Variants in ZNF804B observed in about 807,000 individuals in gnomAD.
ZNF804B encodes zinc finger 804B.
ZNF804B carries 80 observed loss-of-function variants against 101.4 expected under a neutral mutation model. That is an observed-to-expected ratio of 0.79 (90% CI 0.66 to 0.95). The LOEUF (loss-of-function observed/expected upper bound fraction) is 0.95, where lower values mean the gene tolerates loss of function less well. Ranked by LOEUF, ZNF804B falls within the 40% of genes least tolerant of loss-of-function variation. The probability of loss-of-function intolerance (pLI) is 0.00; values close to 1 mark genes in which losing one functional copy is unlikely to be tolerated. For missense variants in ZNF804B, 1,673 were observed against 1,561.9 expected, an observed-to-expected ratio of 1.07 and a Z score of -1.20; for synonymous variants, 622 against 558.8, an observed-to-expected ratio of 1.11 and a Z score of -1.59.
intron 2 of ZNF804B, among the ~76,000 whole-genome samples, chr7:89,275,401 G>T (rs1192066649): frequency 6.6e-6 from 1 of 151,846 alleles, no homozygotes; most frequent in Non-Finnish European, 1.5e-5. Flanking sequence ...TTATGATTGG[G>T]TCAAAACCCT....
chr7:89,188,153 G>A lies in ZNF804B; in HGVS notation c.109-30002G>A, dbSNP rs182169882. On this transcript the variant is annotated intron_variant, in intron 1 of 3. Coordinates refer to ENST00000333190, the MANE Select transcript of ZNF804B (RefSeq NM_181646.5). ...ATGTGCCATTCTCCCGACAGCCTGT[G>A]CTCACTTCTTGTCTCTGTGTTACAC... Among the ~76,000 whole-genome samples the A allele has an allele frequency of 5.9e-4, 89 of 151,898 alleles. 2 individuals are homozygous for A. The Middle Eastern group carries it at 0.027, about 46-fold the overall frequency.
intron 1 of ZNF804B, among the ~76,000 whole-genome samples, chr7:89,214,501 A>G (rs1399806331): frequency 6.6e-6 from 1 of 152,160 alleles, no homozygotes; most frequent in Non-Finnish European, 1.5e-5. Context: ...ATATTTAAAG[A>G]TTGTGTAATT....
intron 1 of ZNF804B, among the ~76,000 whole-genome samples, chr7:88,982,848 A>G (rs1793710881): frequency 1.3e-5 from 2 of 152,038 alleles, no homozygotes; most frequent in Admixed American, 1.3e-4. Flanking sequence ...CATCACTCTT[A>G]CTACCTAGAT....
At chr7:88,876,137 C>G (rs1215407265) in intron 1 of ZNF804B, among the ~76,000 whole-genome samples, 1 of 152,132 alleles carries the variant, frequency 6.6e-6, no homozygotes, top group Non-Finnish European at 1.5e-5. Context: ...ATCATGTCCC[C>G]TCTTTACTTT....
chr7:88,856,200 A>C (rs888060852), intron 1 of ZNF804B, among the ~76,000 whole-genome samples: 12 of 152,134 alleles, frequency 7.9e-5, no homozygotes, highest in African/African-American at 2.9e-4. Flanking sequence ...CTTGGGCAGC[A>C]TGGCCATTTT....
At chr7:88,776,573 T>G (rs865898485) in intron 1 of ZNF804B, among the ~76,000 whole-genome samples, 2 of 149,878 alleles carry the variant, frequency 1.3e-5, no homozygotes, top group East Asian at 1.9e-4. Context: ...TTTTTTTTTT[T>G]TTTTTTTTCA....
At chr7:89,153,092 A>G (rs556474740) in intron 1 of ZNF804B, among the ~76,000 whole-genome samples, 8 of 144,930 alleles carry the variant, frequency 5.5e-5, no homozygotes, top group African/African-American at 2.0e-4. Flanking sequence ...CATGAAAATA[A>G]TGTGTGAACT....
chr7:88,808,956 A>G (rs143718676), intron 1 of ZNF804B, among the ~76,000 whole-genome samples: 121 of 152,320 alleles, frequency 7.9e-4, no homozygotes, highest in South Asian at 4.6e-3. Context: ...TAGATCTTCA[A>G]TTGGCTAAGA....
At chr7:89,092,201 G>A (rs954832189) in intron 1 of ZNF804B, among the ~76,000 whole-genome samples, 2 of 151,644 alleles carry the variant, frequency 1.3e-5, no homozygotes, top group African/African-American at 4.8e-5. Context: ...AGGATTTCTC[G>A]GGGGTCTCTC....
rs57346330 is a variant in ZNF804B at position 89,131,974 on chromosome 7, A to G, written c.109-86181A>G. 5.8e-3 allele frequency among the ~76,000 whole-genome samples: 886 copies of G among 152,112 alleles called. 7 individuals are homozygous for G. Among genetic ancestry groups the G allele is most frequent in the African/African-American group, 0.02 (833 of 41,522 alleles). ...ATTCAAATGCAGATAGCATATATAA[A>G]CTGCATAAAGGCAAGGTGATATTAC... On this transcript the variant is annotated intron_variant, in intron 1 of 3. Coordinates refer to ENST00000333190, the MANE Select transcript of ZNF804B (RefSeq NM_181646.5).
intron 1 of ZNF804B, among the ~76,000 whole-genome samples, chr7:89,110,680 T>G (rs1790202701): frequency 6.6e-6 from 1 of 152,214 alleles, no homozygotes; most frequent in South Asian, 2.1e-4. Context: ...GGTATATTTG[T>G]TACAATTAAT....
intron 2 of ZNF804B, among the ~76,000 whole-genome samples, chr7:89,276,771 G>A (rs1300709013): frequency 6.6e-6 from 1 of 151,714 alleles, no homozygotes. Flanking sequence ...GCATTAAAAT[G>A]TTTGTCAACT....
intron 1 of ZNF804B, among the ~76,000 whole-genome samples, chr7:89,046,883 A>G (rs1456300802): frequency 1.3e-5 from 2 of 152,180 alleles, no homozygotes; most frequent in Admixed American, 6.5e-5. Flanking sequence ...CAGTCCAGTT[A>G]TTATGATCAA....
At chr7:89,331,673 A>G (rs1316073261) in intron 3 of ZNF804B, among the ~76,000 whole-genome samples, 2 of 151,752 alleles carry the variant, frequency 1.3e-5, no homozygotes, top group Admixed American at 1.3e-4. Context: ...GTTAAAATCC[A>G]TATGGTCATA....
rs570531870 is a variant in ZNF804B, at chr7:88,848,628, T to C, written c.108+88544T>C. Among the ~76,000 whole-genome samples, 8 of 151,788 alleles carry C rather than the reference T, an allele frequency of 5.3e-5. No individual in the cohort carries two copies. In the South Asian group the frequency reaches 1.2e-3, roughly 24 times the overall value. Reference sequence around the variant, plus strand: ...CATATGAAAATGCATTTTCTTTTTTTTTTTTTTTTTTAAAAAACGTGTCTA... The same window carrying C: ...CATATGAAAATGCATTTTCTTTTTTCTTTTTTTTTTTAAAAAACGTGTCTA... On this transcript the variant is annotated intron_variant, in intron 1 of 3. Transcript: ENST00000333190.
chr7:88,905,646 C>G (rs537041037), intron 1 of ZNF804B, among the ~76,000 whole-genome samples: 1 of 152,266 alleles, frequency 6.6e-6, no homozygotes, highest in East Asian at 1.9e-4. Context: ...GCAGGAGCCA[C>G]CACACCTGGC....
intron 1 of ZNF804B, among the ~76,000 whole-genome samples, chr7:89,083,479 G>T (rs1313020929): frequency 6.6e-6 from 1 of 151,420 alleles, no homozygotes; most frequent in Non-Finnish European, 1.5e-5. Context: ...AAAAGACTAA[G>T]GCAAGAATAA....
chr7:88,771,019 G>C (rs1182025379), intron 1 of ZNF804B, among the ~76,000 whole-genome samples: 2 of 152,050 alleles, frequency 1.3e-5, no homozygotes, highest in Non-Finnish European at 2.9e-5. Context: ...TTGATAAGGT[G>C]GTAAACTCAG....
chr7:89,096,103 G>A (rs999673199), intron 1 of ZNF804B, among the ~76,000 whole-genome samples: 2 of 151,090 alleles, frequency 1.3e-5, no homozygotes, highest in Admixed American at 6.6e-5. Context: ...TGCAGTGAGT[G>A]GAGATCACGC....
Sources: gnomAD v4.1 joint callset for allele counts (sites outside exome capture counted in the v4.1 genomes callset) on GRCh38, gnomAD v4.1.1 for gene constraint, MANE v1.5 for transcripts, NCBI Gene and HGNC (gene_info 2026-07-23, HGNC 2026-07-21) for gene names.